Variants in ATP1A2 observed in about 807,000 individuals in gnomAD.
ATP1A2 encodes sodium/potassium-transporting ATPase subunit alpha-2.
In ATP1A2, 56 loss-of-function variants were observed where a neutral mutation model predicts 113.1. The ratio of observed to expected loss-of-function variants is 0.49; its 90% CI spans 0.40 to 0.62. ATP1A2 has a LOEUF of 0.62. Among genes scored for constraint, ATP1A2 ranks in the 20% least tolerant of loss-of-function variants. ATP1A2 has a pLI of 0.00. For missense variants in ATP1A2, 712 were observed against 1,357.8 expected (o/e 0.52, Z 7.47); for synonymous variants, 490 against 526.8 (o/e 0.93, Z 0.96).
intron 13 of ATP1A2, among the ~76,000 whole-genome samples, chr1:160,132,510 G>A (rs569566884): frequency 3.9e-5 from 6 of 152,302 alleles, no homozygotes; most frequent in South Asian, 4.2e-4. Flanking sequence ...GAATGGAGAG[G>A]AATAGCCATG....
intron 20 of ATP1A2, among the ~76,000 whole-genome samples, chr1:160,138,808 C>G (rs550597788): frequency 2.7e-5 from 4 of 150,812 alleles, no homozygotes; most frequent in Non-Finnish European, 4.4e-5. Context: ...CCAGCCTGGG[C>G]AACAGAGTGA....
At chr1:160,130,353 G>T in intron 12 of ATP1A2, 62 bp downstream of exon 12, 1 of 1,614,064 alleles carries the variant, frequency 6.2e-7, no homozygotes, top group Middle Eastern at 1.7e-4. Context: ...CATCCCTGGG[G>T]TGGGGGACTG....
At chr1:160,134,364 G>A (rs773662541) in intron 13 of ATP1A2, 120 bp from the exon 14 acceptor site, 271 of 1,437,118 alleles carry the variant, frequency 1.9e-4, no homozygotes, top group Non-Finnish European at 2.4e-4. Flanking sequence ...CCCTTATTTC[G>A]GTTGGGATCT....
In ATP1A2 at chr1:160,142,470, A is replaced by T. The variant is rs1652182545; in HGVS notation, c.*1148A>T. 2 of 152,276 alleles carry T rather than the reference A, an allele frequency of 1.3e-5. No homozygotes were observed. Among genetic ancestry groups the T allele is most frequent in the African/African-American group, 4.8e-5 (2 of 41,466 alleles). The allele number at this position is 152,276 out of a possible 1,614,324, so 9.4% of individuals were successfully genotyped here. A position where few individuals can be genotyped will look rare whatever the true frequency, so the allele number is the denominator to read the frequency against. ...ATGCTTCCAGGGACAAGCTTAGGTC[A>T]TGAACATGGTCAGAACCTTTGGACA... On this transcript the variant is annotated 3_prime_UTR_variant, in exon 23 of 23. Transcript: ENST00000361216.
rs146329414 is a variant in ATP1A2, at chr1:160,121,093, G to A, written c.117+83G>A. 2,331 of 1,602,296 alleles carry A rather than the reference G, an allele frequency of 1.5e-3. 28 individuals are homozygous for A. In the African/African-American group the frequency reaches 0.026, roughly 18 times the overall value. On this transcript the variant is annotated intron_variant, in intron 2 of 22. Transcript: ENST00000361216. ...AGCCCATTGCACTCAGAGAAACTCC[G>A]TGTCCCCCATGCTGCTCAACTCACC...
intron 12 of ATP1A2, 58 bp from the exon 13 acceptor site, chr1:160,130,364 T>C (rs1238103913): frequency 1.9e-6 from 3 of 1,613,892 alleles, no homozygotes; most frequent in Non-Finnish European, 2.5e-6. Context: ...TGGGGGACTG[T>C]GGGGGCGTCC....
chr1:160,125,394 T>C (rs945892067), intron 7 of ATP1A2, 141 bp downstream of exon 7: 7 of 755,860 alleles, frequency 9.3e-6, no homozygotes, highest in South Asian at 5.9e-5. Context: ...CTGAATATTA[T>C]GGAAACACCC....
rs1390023597 is a variant in ATP1A2, at chr1:160,135,715, C to T, written c.2284+113C>T. On this transcript the variant is annotated intron_variant, in intron 16 of 22. Coordinates refer to ENST00000361216, the MANE Select transcript of ATP1A2 (RefSeq NM_000702.4). The surrounding 1 kb of genome is among the most constrained non-coding windows in gnomAD (Gnocchi z 6.3). Reference sequence around the variant, plus strand: ...ATTCCACAACTCTAGGCAGCCCAGCCCACTTTAGCTTCCCTTGAACACAAA... The same window carrying T: ...ATTCCACAACTCTAGGCAGCCCAGCTCACTTTAGCTTCCCTTGAACACAAA... 6.2e-7 allele frequency: 1 copy of T among 1,609,494 alleles called. No individual in the cohort carries two copies. The highest frequency in any genetic ancestry group is 8.5e-7 in the Non-Finnish European group (1 of 1,177,174).
At chr1:160,116,875 G>A (rs546186977) in intron 1 of ATP1A2, among the ~76,000 whole-genome samples, 2 of 152,264 alleles carry the variant, frequency 1.3e-5, no homozygotes, top group East Asian at 3.9e-4. Context: ...GGGAAATCCT[G>A]AGCCTGGACA....
rs55741021 is a variant in ATP1A2, at chr1:160,128,726, G to A, written c.1092G>A (p.Thr364=). The stretch of plus-strand genomic sequence containing the variant: ...TGAAGAACCTGGAGGCGGTGGAGAC[G>A]CTGGGCTCCACGTCCACCATCTGCT... ...CLVKNLEAVE[T]LGSTSTICSD... The change falls in exon 9 of 23, where the codon ACG becomes ACA. Residue 364 remains threonine, a synonymous_variant. Coordinates refer to ENST00000361216, the MANE Select transcript of ATP1A2 (RefSeq NM_000702.4). 143 of 1,614,032 alleles carry A rather than the reference G, an allele frequency of 8.9e-5. No individual in the cohort carries two copies. Among genetic ancestry groups the A allele is most frequent in the Non-Finnish European group, 4.9e-5 (58 of 1,180,040 alleles).
chr1:160,130,418 T>C lies in ATP1A2; in HGVS notation c.1652-4T>C. The C allele has an allele frequency of 6.2e-7, 1 of 1,614,170 alleles. No individual in the cohort carries two copies. Among genetic ancestry groups the C allele is most frequent in the Non-Finnish European group, 8.5e-7 (1 of 1,180,016 alleles). ...TCTCACTGATCCCTTCTGCCCCCCT[T>C]TAGGATTCTGTCAACTGAATCTGCC... On this transcript the variant is annotated splice_polypyrimidine_tract_variant and splice_region_variant and intron_variant, in intron 12 of 22. Coordinates refer to ENST00000361216, the MANE Select transcript of ATP1A2 (RefSeq NM_000702.4).
At chr1:160,120,512 C>A (rs1443648544) in intron 1 of ATP1A2, among the ~76,000 whole-genome samples, 3 of 152,148 alleles carry the variant, frequency 2.0e-5, no homozygotes, top group African/African-American at 7.2e-5. Context: ...CCTCAACAAC[C>A]CCCCACAAAA....
chr1:160,128,904 G>A, intron 9 of ATP1A2, 54 bp downstream of exon 9: 1 of 1,608,868 alleles, frequency 6.2e-7, no homozygotes, highest in Non-Finnish European at 8.5e-7. Context: ...TGAGGGCAGT[G>A]GCGTGGTGGG....
At chr1:160,132,293 A>G (rs1318249673) in intron 13 of ATP1A2, among the ~76,000 whole-genome samples, 2 of 152,084 alleles carry the variant, frequency 1.3e-5, no homozygotes, top group African/African-American at 2.4e-5. Context: ...AGTTGGAAGG[A>G]CTTGGCTTAA....
At position 160,123,288 on chromosome 1, in the gene ATP1A2, C is replaced by G. The variant is rs1448339977; in HGVS notation, c.253C>G (p.Pro85Ala). Residue 85 changes from proline to alanine, a missense_variant, in exon 4 of 23, where the codon CCT becomes GCT. Pro to Ala is a conservative substitution (Grantham distance 27). Coordinates refer to ENST00000361216, the MANE Select transcript of ATP1A2 (RefSeq NM_000702.4). ...PNALTPPPTT[P>A]EWVKFCRQLF... Reference sequence around the variant, plus strand: ...CGCCCTCACACCACCTCCCACAACCCCTGAGTGGGTCAAGTTCTGCCGTCA... The same window carrying G: ...CGCCCTCACACCACCTCCCACAACCGCTGAGTGGGTCAAGTTCTGCCGTCA... The G allele has an allele frequency of 6.2e-7, 1 of 1,614,250 alleles. No homozygotes were observed. Among genetic ancestry groups the G allele is most frequent in the Non-Finnish European group, 8.5e-7 (1 of 1,180,042 alleles).
chr1:160,131,489 T>C (rs1247457822), intron 13 of ATP1A2, among the ~76,000 whole-genome samples: 3 of 152,088 alleles, frequency 2.0e-5, no homozygotes, highest in Non-Finnish European at 2.9e-5. Flanking sequence ...CTGAACCCCA[T>C]AACCACTCTG....
At position 160,142,615 on chromosome 1, in the gene ATP1A2, C is replaced by A. The variant is rs1021841570; in HGVS notation, c.*1293C>A. The A allele has an allele frequency of 6.6e-6, 1 of 152,198 alleles. No homozygotes were observed. The highest frequency in any genetic ancestry group is 1.5e-5 in the Non-Finnish European group (1 of 68,090). 9.4% of individuals were successfully genotyped at this position (152,198 alleles called of 1,614,324 possible). A position where few individuals can be genotyped will look rare whatever the true frequency, so the allele number is the denominator to read the frequency against. ...GGTCAGGAGTTCGAGGCGAGCCTGG[C>A]CAACATGGTGAAACCCTGTCTCTAC... is the stretch of plus-strand genomic sequence containing the variant. On this transcript the variant is annotated 3_prime_UTR_variant, in exon 23 of 23. Coordinates refer to ENST00000361216, the MANE Select transcript of ATP1A2 (RefSeq NM_000702.4).
In ATP1A2 at chr1:160,129,356, C is replaced by A. The variant is rs1045596574; in HGVS notation, c.1417C>A (p.Pro473Thr). 2.5e-6 allele frequency: 4 copies of A among 1,614,112 alleles called. No homozygotes were observed. Among genetic ancestry groups the A allele is most frequent in the Non-Finnish European group, 3.4e-6 (4 of 1,180,042 alleles). ...GSVRKMRDRN[P>T]KVAEIPFNST... ...AGTGAGGAAAATGAGAGACAGAAAC[C>A]CCAAGGTGGCAGAGATTCCTTTCAA... is the stretch of plus-strand genomic sequence containing the variant. The change falls in exon 11 of 23, where the codon CCC becomes ACC. Residue 473 changes from proline to threonine, a missense_variant. By Grantham distance (38) the Pro-to-Thr change is conservative. This residue lies in a region of ATP1A2 where 263 missense variants were observed against 380.6 expected (regional missense o/e 0.69). Transcript: ENST00000361216.
At position 160,120,950 on chromosome 1, in the gene ATP1A2, G is replaced by A. The variant is rs779140540; in HGVS notation, c.57G>A (p.Gly19=). ...YSPAATTAEN[G]GGKKKQKEKE... ...CTGCCGCCACCACGGCAGAGAATGG[G>A]GGCGGCAAGAAGAAACAGAAGGAGA... The change falls in exon 2 of 23, where the codon GGG becomes GGA. Residue 19 remains glycine, a synonymous_variant. Transcript: ENST00000361216. 3.1e-6 allele frequency: 5 copies of A among 1,611,660 alleles called. No homozygotes were observed. In the South Asian group the frequency reaches 5.5e-5, roughly 18 times the overall value.
Sources: gnomAD v4.1 joint callset for allele counts (sites outside exome capture counted in the v4.1 genomes callset) on GRCh38, gnomAD v4.1.1 for gene constraint, gnomAD v4.1.1 regional missense constraint, Gnocchi (gnomAD v3.1) non-coding constraint, MANE v1.5 for transcripts, NCBI Gene and HGNC (gene_info 2026-07-23, HGNC 2026-07-21) for gene names.